Variants in DSCAM observed in about 807,000 individuals in gnomAD.
DSCAM encodes cell adhesion molecule DSCAM.
In DSCAM, 47 loss-of-function variants were observed where a neutral mutation model predicts 217.7. The observed-to-expected ratio is 0.22, with a 90% CI of 0.17 to 0.28. The LOEUF (loss-of-function observed/expected upper bound fraction) is 0.28. DSCAM is among the 10% of genes least tolerant of loss of function. DSCAM has a pLI of 1.00. For synonymous variants in DSCAM, 1,056 were observed against 1,015.3 expected, an observed-to-expected ratio of 1.04 and a Z score of -0.76; for missense variants, 2,080 against 2,618.3, an observed-to-expected ratio of 0.79 and a Z score of 4.49.
chr21:40,341,565 T>C (rs776663280), intron 6 of DSCAM, among the ~76,000 whole-genome samples: 1 of 152,208 alleles, frequency 6.6e-6, no homozygotes, highest in Non-Finnish European at 1.5e-5. Flanking sequence ...ACATTTCCAT[T>C]ACCAAAATTC....
chr21:40,137,817 A>C (rs2090231728), intron 18 of DSCAM, among the ~76,000 whole-genome samples: 1 of 152,238 alleles, frequency 6.6e-6, no homozygotes, highest in South Asian at 2.1e-4. Context: ...AGAAAACAAT[A>C]GGTGCGGGAA....
At chr21:40,211,321 T>TACTATAA (rs765188278) in intron 11 of DSCAM, among the ~76,000 whole-genome samples, 1 of 152,248 alleles carries the variant, frequency 6.6e-6, no homozygotes, top group Non-Finnish European at 1.5e-5. Context: ...AGAATTTAGC[T>TACTATAA]ACTATAAAGA....
rs149274832 is a variant in DSCAM at position 40,120,124 on chromosome 21, T to C, written c.3696+4071A>G. On this transcript the variant is annotated intron_variant, in intron 20 of 32. Transcript: ENST00000400454. The stretch of plus-strand genomic sequence containing the variant: ...ATGGGCTACAATGTGGAGAACTTAA[T>C]TGCCCAGGTCTTCTGGGTAAGAAGA... 1.7e-3 allele frequency among the ~76,000 whole-genome samples: 254 copies of C among 152,282 alleles called. 1 individual carries two copies. Among genetic ancestry groups the C allele is most frequent in the African/African-American group, 5.5e-3 (228 of 41,570 alleles).
intron 3 of DSCAM, among the ~76,000 whole-genome samples, chr21:40,431,827 G>C (rs895307413): frequency 6.6e-6 from 1 of 152,160 alleles, no homozygotes; most frequent in African/African-American, 2.4e-5. Context: ...AGAGTCAACC[G>C]TACTAGTTTC....
chr21:40,572,094 GTGT>G (rs2076812078), intron 3 of DSCAM, among the ~76,000 whole-genome samples: 1 of 141,336 alleles, frequency 7.1e-6, no homozygotes, highest in Non-Finnish European at 1.5e-5. Flanking sequence ...GGGTGTGTGT[GTGT>G]GTGTGTGTGT....
Position 40,012,922 on chromosome 21 carries a change from T to A in DSCAM, c.*112A>T. On this transcript the variant is annotated 3_prime_UTR_variant, in exon 33 of 33. Coordinates refer to ENST00000400454, the MANE Select transcript of DSCAM (RefSeq NM_001389.5). ...AGTATTTTCTCTTTTTTTTTTTTAA[T>A]ATATTTTGGCAATTTTCTTTAATTA... The A allele has an allele frequency of 1.3e-5, 9 of 700,650 alleles. No homozygotes were observed. Among genetic ancestry groups the A allele is most frequent in the African/African-American group, 1.9e-5 (1 of 52,432 alleles). The allele number at this position is 700,650 out of a possible 1,614,324, so 43.4% of individuals were successfully genotyped here.
chr21:40,164,153 C>T (rs1167606515), intron 16 of DSCAM, among the ~76,000 whole-genome samples: 1 of 152,146 alleles, frequency 6.6e-6, no homozygotes, highest in Non-Finnish European at 1.5e-5. Flanking sequence ...TGGGAACCTC[C>T]CTGAGCCATC....
intron 32 of DSCAM, among the ~76,000 whole-genome samples, chr21:40,023,140 G>C (rs1228504749): frequency 6.6e-6 from 1 of 150,792 alleles, no homozygotes; most frequent in Non-Finnish European, 1.5e-5. Flanking sequence ...TTTTGTTCTT[G>C]CGATAGTTTA....
At chr21:40,437,543 A>G (rs1298145192) in intron 3 of DSCAM, among the ~76,000 whole-genome samples, 2 of 152,146 alleles carry the variant, frequency 1.3e-5, no homozygotes, top group African/African-American at 4.8e-5. Context: ...AACTTACTCA[A>G]GTTCACAGAC....
intron 8 of DSCAM, among the ~76,000 whole-genome samples, chr21:40,313,732 T>C (rs2074165964): frequency 6.6e-6 from 1 of 152,160 alleles, no homozygotes; most frequent in African/African-American, 2.4e-5. Flanking sequence ...ATATAACTAA[T>C]ATCAGAGCCT....
At chr21:40,764,326 CAA>C (rs143273195) in intron 1 of DSCAM, among the ~76,000 whole-genome samples, 33 of 126,048 alleles carry the variant, frequency 2.6e-4, no homozygotes, top group African/African-American at 5.1e-4. Flanking sequence ...TTTATGCCGC[CAA>C]AAAAAAAAAA....
intron 20 of DSCAM, among the ~76,000 whole-genome samples, chr21:40,111,106 A>G (rs1476826834): frequency 2.0e-5 from 3 of 152,192 alleles, no homozygotes; most frequent in African/African-American, 7.2e-5. Flanking sequence ...TCCAAGACAC[A>G]TAATTGTCAG....
chr21:40,273,167 C>T (rs2073642047), intron 11 of DSCAM, among the ~76,000 whole-genome samples: 1 of 152,102 alleles, frequency 6.6e-6, no homozygotes, highest in South Asian at 2.1e-4. Flanking sequence ...ATCATTTACT[C>T]TATGTATGTA....
chr21:40,203,438 C>T (rs1030493461), intron 11 of DSCAM, among the ~76,000 whole-genome samples: 42 of 152,236 alleles, frequency 2.8e-4, no homozygotes, highest in African/African-American at 1.0e-3. Flanking sequence ...CTGGGGGCTG[C>T]TTTACATCTG....
chr21:40,097,958 G>A (rs9983121), intron 20 of DSCAM, among the ~76,000 whole-genome samples: 10,637 of 30,780 alleles, frequency 0.35, 3,514 homozygotes, highest in East Asian at 0.68. Context: ...AAAAAAAAAA[G>A]AAAGAAAGAA....
At chr21:40,775,282 C>T (rs1601244386) in intron 1 of DSCAM, among the ~76,000 whole-genome samples, 1 of 152,146 alleles carries the variant, frequency 6.6e-6, no homozygotes, top group Non-Finnish European at 1.5e-5. Context: ...TGCCAAGTTA[C>T]CCACGTTGAC....
rs1388602437 is a variant in DSCAM, at chr21:40,846,772, CCCGCCGCCCGCCGCCG to C, written c.-127_-112del. On this transcript the variant is annotated 5_prime_UTR_variant, in exon 1 of 33. Transcript: ENST00000400454. ...GCACCTGCCCGGGGGCCGCCGCCCG[CCCGCCGCCCGCCGCCG>C]CCGCCGCCGCTGCCTAGCCGCCCGG... 9 of 358,576 alleles carry C rather than the reference CCCGCCGCCCGCCGCCG, an allele frequency of 2.5e-5. No individual in the cohort carries two copies. Among genetic ancestry groups the C allele is most frequent in the African/African-American group, 2.1e-4 (9 of 43,696 alleles). The allele number at this position is 358,576 out of a possible 1,614,324, so 22.2% of individuals were successfully genotyped here.
intron 8 of DSCAM, among the ~76,000 whole-genome samples, chr21:40,320,571 G>T (rs2074248384): frequency 6.6e-6 from 1 of 152,112 alleles, no homozygotes; most frequent in Non-Finnish European, 1.5e-5. Context: ...TCCAAGACTG[G>T]GCAATTTACA....
chr21:40,512,716 C>T (rs968313887), intron 3 of DSCAM, among the ~76,000 whole-genome samples: 3 of 151,824 alleles, frequency 2.0e-5, no homozygotes, highest in Non-Finnish European at 2.9e-5. Flanking sequence ...TATAGTTATG[C>T]GCCATAAGAG....
Sources: gnomAD v4.1 joint callset for allele counts (sites outside exome capture counted in the v4.1 genomes callset) on GRCh38, gnomAD v4.1.1 for gene constraint, MANE v1.5 for transcripts, NCBI Gene and HGNC (gene_info 2026-07-23, HGNC 2026-07-21) for gene names.